KCNIP4: variants seen among roughly 807,000 people sequenced by gnomAD.
KCNIP4 encodes potassium voltage-gated channel interacting protein 4.
A neutral mutation model predicts 34.0 loss-of-function variants in KCNIP4; 12 were observed. That is an observed-to-expected ratio of 0.35 (90% CI 0.23 to 0.57). The LOEUF is 0.57. KCNIP4 is among the 20% of genes least tolerant of loss of function. The pLI, the probability that KCNIP4 is intolerant of heterozygous loss-of-function variation, is 0.83. For missense variants in KCNIP4, 238 were observed against 311.7 expected, an observed-to-expected ratio of 0.76 and a Z score of 1.78; for synonymous variants, 124 against 102.2, an observed-to-expected ratio of 1.21 and a Z score of -1.29.
At position 21,108,114 on chromosome 4, in the gene KCNIP4, G is replaced by A. The variant is rs538630152; in HGVS notation, c.62-225405C>T. On this transcript the variant is annotated intron_variant, in intron 1 of 8. Coordinates refer to ENST00000382152, the MANE Select transcript of KCNIP4 (RefSeq NM_025221.6). Reference sequence around the variant, plus strand: ...TCTTCTTGAGGAGTATCTTTGTGGCGTTCTCTGTATTTCCTGTATCTGAAT... The same window carrying A: ...TCTTCTTGAGGAGTATCTTTGTGGCATTCTCTGTATTTCCTGTATCTGAAT... Among the ~76,000 whole-genome samples the A allele has an allele frequency of 5.7e-4, 86 of 151,444 alleles. 1 individual carries two copies. The highest frequency in any genetic ancestry group is 1.4e-3 in the East Asian group (7 of 5,154).
chr4:21,066,229 A>G (rs941860833), intron 1 of KCNIP4, among the ~76,000 whole-genome samples: 3 of 152,108 alleles, frequency 2.0e-5, no homozygotes, highest in African/African-American at 7.2e-5. Flanking sequence ...GCAGGAACCT[A>G]TTTACTGTGG....
chr4:21,948,752 G>C lies in KCNIP4; in HGVS notation c.-121C>G, dbSNP rs1452236485. ...CGGGGGCGTCCGTGGCGCTGGGAGC[G>C]AGAGCTTCGGCGGCGGCTGCGGGCA... On this transcript the variant is annotated 5_prime_UTR_variant, in exon 1 of 9. Transcript: ENST00000382152. 8.3e-6 allele frequency: 10 copies of C among 1,202,126 alleles called. No individual in the cohort carries two copies. Among genetic ancestry groups the C allele is most frequent in the Non-Finnish European group, 1.0e-5 (10 of 957,062 alleles). 74.5% of individuals were successfully genotyped at this position (1,202,126 alleles called of 1,614,324 possible).
At chr4:20,925,849 GCA>G (rs1729848413) in intron 1 of KCNIP4, among the ~76,000 whole-genome samples, 1 of 152,202 alleles carries the variant, frequency 6.6e-6, no homozygotes, top group African/African-American at 2.4e-5. Flanking sequence ...AAACAGTTAA[GCA>G]CAGACTTCCA....
intron 1 of KCNIP4, among the ~76,000 whole-genome samples, chr4:21,037,683 G>A (rs1487336157): frequency 9.2e-5 from 14 of 152,186 alleles, no homozygotes; most frequent in Admixed American, 1.3e-4. Flanking sequence ...AGTATCACAC[G>A]CGGTCTTTGC....
intron 1 of KCNIP4, among the ~76,000 whole-genome samples, chr4:21,947,106 G>A (rs972083193): frequency 6.6e-6 from 1 of 152,182 alleles, no homozygotes; most frequent in Non-Finnish European, 1.5e-5. Context: ...GGGCTGCCGT[G>A]TGTGAATGTG....
At chr4:20,964,900 T>C (rs1023640408) in intron 1 of KCNIP4, among the ~76,000 whole-genome samples, 2 of 152,042 alleles carry the variant, frequency 1.3e-5, no homozygotes, top group African/African-American at 4.8e-5. Flanking sequence ...TTTGGAGAGA[T>C]TTTTTCAATT....
At chr4:21,187,187 G>T (rs1422494193) in intron 1 of KCNIP4, among the ~76,000 whole-genome samples, 1 of 152,020 alleles carries the variant, frequency 6.6e-6, no homozygotes, top group Admixed American at 6.6e-5. Flanking sequence ...ATTCACATAG[G>T]CTATGGTCCA....
intron 1 of KCNIP4, among the ~76,000 whole-genome samples, chr4:21,643,780 T>G (rs1188056873): frequency 1.3e-5 from 2 of 152,004 alleles, no homozygotes; most frequent in Non-Finnish European, 2.9e-5. Context: ...ATCCTGCAGA[T>G]TTTTGACTTG....
At chr4:21,391,290 A>G (rs185414044) in intron 1 of KCNIP4, among the ~76,000 whole-genome samples, 1 of 152,198 alleles carries the variant, frequency 6.6e-6, no homozygotes, top group African/African-American at 2.4e-5. Flanking sequence ...TGTAATTTCC[A>G]TTTAGTTTAT....
intron 1 of KCNIP4, among the ~76,000 whole-genome samples, chr4:21,870,384 C>T (rs1240367204): frequency 6.6e-6 from 1 of 152,126 alleles, no homozygotes; most frequent in Admixed American, 6.6e-5. Flanking sequence ...TCTCTAGGGT[C>T]CCGTATGCAC....
chr4:20,763,861 T>A (rs1051385923), intron 3 of KCNIP4, among the ~76,000 whole-genome samples: 3 of 152,162 alleles, frequency 2.0e-5, no homozygotes, highest in Non-Finnish European at 4.4e-5. Context: ...CCCACTGATG[T>A]TGTAACATGA....
intron 1 of KCNIP4, among the ~76,000 whole-genome samples, chr4:21,862,758 G>A (rs1310605134): frequency 6.6e-6 from 1 of 152,274 alleles, no homozygotes; most frequent in Non-Finnish European, 1.5e-5. Context: ...CAGATCACGA[G>A]GTCAGGAGAT....
chr4:21,540,133 C>T (rs1017968992), intron 1 of KCNIP4, among the ~76,000 whole-genome samples: 2 of 152,112 alleles, frequency 1.3e-5, no homozygotes, highest in Non-Finnish European at 2.9e-5. Context: ...CTTAATTAGG[C>T]CTTCAGATTT....
chr4:21,443,950 C>G (rs1727724526), intron 1 of KCNIP4, among the ~76,000 whole-genome samples: 1 of 150,244 alleles, frequency 6.7e-6, no homozygotes, highest in African/African-American at 2.5e-5. Flanking sequence ...GATATCACCA[C>G]TGATCCCACA....
At chr4:21,776,421 G>A (rs1461123798) in intron 1 of KCNIP4, among the ~76,000 whole-genome samples, 1 of 152,086 alleles carries the variant, frequency 6.6e-6, no homozygotes, top group Non-Finnish European at 1.5e-5. Context: ...CATGAGTCAT[G>A]TATTATGGAG....
At chr4:20,993,816 T>G (rs1737300499) in intron 1 of KCNIP4, among the ~76,000 whole-genome samples, 1 of 152,238 alleles carries the variant, frequency 6.6e-6, no homozygotes, top group African/African-American at 2.4e-5. Flanking sequence ...GTCAGAAGTT[T>G]GAAATGGTTC....
At chr4:20,802,123 CTATA>C (rs767562739) in intron 3 of KCNIP4, among the ~76,000 whole-genome samples, 94 of 137,204 alleles carry the variant, frequency 6.9e-4, no homozygotes, top group Non-Finnish European at 9.6e-4. Context: ...TATATATATG[CTATA>C]TATATGCTAT....
rs10034891 is a variant in KCNIP4, at chr4:21,038,271, G to T, written c.62-155562C>A. Among the ~76,000 whole-genome samples, 4 of 152,070 alleles carry T rather than the reference G, an allele frequency of 2.6e-5. No individual in the cohort carries two copies. The East Asian group carries it at 7.7e-4, about 29-fold the overall frequency. On this transcript the variant is annotated intron_variant, in intron 1 of 8. Transcript: ENST00000382152. The stretch of plus-strand genomic sequence containing the variant: ...ATTACAGGCGTGAGCCACCATGCCC[G>T]GCCAAAAATGCTTTCTGTAACTTCC...
intron 1 of KCNIP4, among the ~76,000 whole-genome samples, chr4:21,933,818 T>C: frequency 6.6e-6 from 1 of 152,112 alleles, no homozygotes. Flanking sequence ...GTTAAAATAA[T>C]ATTTGACTGC....
Sources: gnomAD v4.1 joint callset for allele counts (sites outside exome capture counted in the v4.1 genomes callset) on GRCh38, gnomAD v4.1.1 for gene constraint, MANE v1.5 for transcripts, NCBI Gene and HGNC (gene_info 2026-07-23, HGNC 2026-07-21) for gene names.